Variants in SHF observed in about 807,000 individuals in gnomAD.
The protein encoded by SHF is SH2 domain-containing adapter protein F.
In SHF, 30 loss-of-function variants were observed where a neutral mutation model predicts 42.4. The observed-to-expected ratio is 0.71, with a 90% CI of 0.53 to 0.96. The LOEUF is 0.96. Among genes scored for constraint, SHF ranks in the 40% least tolerant of loss-of-function variants. SHF has a pLI of 0.00. For synonymous variants in SHF, 264 were observed against 269.9 expected (o/e 0.98, Z 0.21); for missense variants, 598 against 634.0 (o/e 0.94, Z 0.61).
At chr15:45,197,240 C>A (rs1177355805) in intron 2 of SHF, among the ~76,000 whole-genome samples, 2 of 103,050 alleles carry the variant, frequency 1.9e-5, no homozygotes, top group South Asian at 3.8e-4. Context: ...CAGAGCAAGA[C>A]CTTGTCTCTA....
At chr15:45,198,531 A>C in intron 2 of SHF, 1 of 482,664 alleles carries the variant, frequency 2.1e-6, no homozygotes, top group Non-Finnish European at 3.6e-6. Flanking sequence ...AAGAAAGTGA[A>C]TTACGATTTA....
chr15:45,190,138 A>G (rs1249850628), upstream of SHF, among the ~76,000 whole-genome samples: 1 of 152,188 alleles, frequency 6.6e-6, no homozygotes, highest in Non-Finnish European at 1.5e-5. Context: ...TGATACAGAT[A>G]CTGCTGGTCC....
chr15:45,182,187 G>A (rs1031106576), intron 1 of SHF, among the ~76,000 whole-genome samples: 1 of 152,200 alleles, frequency 6.6e-6, no homozygotes, highest in Non-Finnish European at 1.5e-5. Flanking sequence ...CCACCACGGG[G>A]CTCCAGAGGG....
rs769302758 is a variant in SHF at position 45,168,136 on chromosome 15, G to A, written c.1281-3C>T. ...TGTGCATGAATCCCTGGCTGCTCCT[G>A]GGAAGAGGAGAGGAGACTTTGGTGA... On this transcript the variant is annotated splice_polypyrimidine_tract_variant and splice_region_variant and intron_variant, in intron 6 of 6. Transcript: ENST00000690270. 2 of 1,577,040 alleles carry A rather than the reference G, an allele frequency of 1.3e-6. No homozygotes were observed. The highest frequency in any genetic ancestry group is 2.7e-5 in the African/African-American group (2 of 74,296).
Position 45,187,872 on chromosome 15 carries a change from C to A in SHF, c.80G>T (p.Gly27Val), listed in dbSNP as rs952009437. 6.7e-5 allele frequency: 78 copies of A among 1,158,932 alleles called. No homozygotes were observed. The highest frequency in any genetic ancestry group is 8.1e-5 in the Non-Finnish European group (76 of 934,064). 71.8% of individuals were successfully genotyped at this position (1,158,932 alleles called of 1,614,324 possible). The change falls in exon 1 of 7, where the codon GGG (glycine) becomes GTG (valine). Residue 27 changes from glycine to valine, a missense_variant. Around this residue, in one of 2 missense-constraint regions of SHF, gnomAD observed 159 missense variants for 109.3 expected, o/e 1.45. Transcript: ENST00000690270. ...CGCACCCCCGGCGCCCCGGCGGGACCCCCCCGGGCCGCCCCCAGCGCTCCC... is the reference window on the plus strand; with the variant it reads ...CGCACCCCCGGCGCCCCGGCGGGACACCCCCGGGCCGCCCCCAGCGCTCCC... ...TQGSAGGGPG[G>V]SRRGAGGAGA... is the part of the protein sequence containing the mutation.
intron 6 of SHF, chr15:45,171,588 A>G (rs1897489372): frequency 2.2e-6 from 1 of 452,756 alleles, no homozygotes; most frequent in Non-Finnish European, 4.0e-6. Flanking sequence ...TCCCTATATT[A>G]TCCCCCATCC....
rs1326216272 is a variant in SHF at position 45,173,607 on chromosome 15, G to T, written c.957C>A (p.Pro319=). 5.8e-6 allele frequency: 9 copies of T among 1,544,304 alleles called. No homozygotes were observed. In the East Asian group the frequency reaches 1.2e-4, roughly 21 times the overall value. ...GDRDISGPAS[P]LPEPSLEDSS... Reference sequence around the variant, plus strand: ...TGTCCTCCAGGCTGGGCTCAGGGAGGGGCGAGGCTGGACCGGAGATGTCCC... The same window carrying T: ...TGTCCTCCAGGCTGGGCTCAGGGAGTGGCGAGGCTGGACCGGAGATGTCCC... The change falls in exon 4 of 7, where the codon CCC becomes CCA. Residue 319 remains proline, a synonymous_variant. Transcript: ENST00000690270.
intron 2 of SHF, among the ~76,000 whole-genome samples, chr15:45,197,027 A>T (rs1444748526): frequency 6.6e-6 from 1 of 152,192 alleles, no homozygotes; most frequent in Non-Finnish European, 1.5e-5. Context: ...ATAGGAGCAC[A>T]CACTTTTCTT....
At chr15:45,194,107 A>G (rs934615723) in intron 2 of SHF, among the ~76,000 whole-genome samples, 74 of 151,016 alleles carry the variant, frequency 4.9e-4, no homozygotes, top group Non-Finnish European at 8.1e-4. Context: ...GTCTCAAAAA[A>G]AAAAAAAAAA....
intron 2 of SHF, among the ~76,000 whole-genome samples, chr15:45,196,637 C>T (rs1207826601): frequency 3.3e-5 from 5 of 152,132 alleles, no homozygotes; most frequent in African/African-American, 1.2e-4. Flanking sequence ...GTGGCTCACA[C>T]CTGTAATCCC....
chr15:45,199,681 G>A (rs1226667881), intron 1 of SHF, among the ~76,000 whole-genome samples: 2 of 152,126 alleles, frequency 1.3e-5, no homozygotes, highest in East Asian at 1.9e-4. Flanking sequence ...CCTACTACCT[G>A]TCAGGCCAGA....
At chr15:45,178,527 C>T (rs1897950806) in intron 1 of SHF, among the ~76,000 whole-genome samples, 1 of 142,150 alleles carries the variant, frequency 7.0e-6, no homozygotes, top group African/African-American at 2.6e-5. Context: ...TACCTCTTTC[C>T]TTCTTTCTTT....
At chr15:45,183,131 C>A (rs969905303) in intron 1 of SHF, among the ~76,000 whole-genome samples, 1 of 152,172 alleles carries the variant, frequency 6.6e-6, no homozygotes, top group Non-Finnish European at 1.5e-5. Flanking sequence ...TTAGCAAATG[C>A]TTAGTGAATA....
At chr15:45,190,547 T>G (rs557781962), upstream of SHF, among the ~76,000 whole-genome samples, 1 of 152,272 alleles carries the variant, frequency 6.6e-6, no homozygotes, top group East Asian at 1.9e-4. Context: ...GTAAAATGCT[T>G]ACAGTGGAAG....
intron 1 of SHF, among the ~76,000 whole-genome samples, chr15:45,180,089 T>C (rs1333590834): frequency 6.6e-6 from 1 of 152,174 alleles, no homozygotes; most frequent in African/African-American, 2.4e-5. Flanking sequence ...CTCTGCCTGC[T>C]TGTGGGATAA....
chr15:45,193,408 A>T (rs1595646248), intron 2 of SHF, among the ~76,000 whole-genome samples: 1 of 152,198 alleles, frequency 6.6e-6, no homozygotes, highest in Non-Finnish European at 1.5e-5. Context: ...GATGAGAGAC[A>T]AATGGTTGTA....
intron 1 of SHF, among the ~76,000 whole-genome samples, chr15:45,180,045 C>A (rs978352069): frequency 6.6e-6 from 1 of 152,164 alleles, no homozygotes; most frequent in African/African-American, 2.4e-5. Flanking sequence ...TTGTTCTATT[C>A]ATGCCCTCAG....
upstream of SHF, among the ~76,000 whole-genome samples, chr15:45,189,800 C>T (rs1271698164): frequency 1.3e-5 from 2 of 152,066 alleles, no homozygotes; most frequent in Non-Finnish European, 2.9e-5. Flanking sequence ...CCTGGGATTC[C>T]CAGGGCCCCG....
At chr15:45,190,214 A>G (rs1898675678), upstream of SHF, among the ~76,000 whole-genome samples, 1 of 152,228 alleles carries the variant, frequency 6.6e-6, no homozygotes, top group African/African-American at 2.4e-5. Context: ...ACTTGGTTTT[A>G]TGAAGTATAA....
Sources: allele counts gnomAD v4.1 joint callset (sites outside exome capture counted in the v4.1 genomes callset), GRCh38; gene constraint gnomAD v4.1.1; regional missense constraint gnomAD v4.1.1; transcripts MANE v1.5; gene names NCBI Gene and HGNC (gene_info 2026-07-23, HGNC 2026-07-21).